The following SARM1 variants were observed in gnomAD, a reference collection of about 807,000 sequenced individuals.
The protein encoded by SARM1 is sterile alpha and TIR motif containing 1.
SARM1 carries 60 observed loss-of-function variants against 65.1 expected under a neutral mutation model. The ratio of observed to expected loss-of-function variants is 0.92; its 90% CI spans 0.75 to 1.14. The LOEUF is 1.14. Among genes scored for constraint, SARM1 ranks in the 50% most tolerant of loss-of-function variants. The probability of loss-of-function intolerance (pLI) is 0.00; values close to 1 mark genes in which losing one functional copy is unlikely to be tolerated. For missense variants in SARM1, 913 were observed against 1,015.7 expected (o/e 0.90, Z 1.37); for synonymous variants, 417 against 465.4 (o/e 0.90, Z 1.34).
At chr17:28,382,105 G>A (rs1555585383) in intron 2 of SARM1, among the ~76,000 whole-genome samples, 1 of 152,118 alleles carries the variant, frequency 6.6e-6, no homozygotes, top group African/African-American at 2.4e-5. Flanking sequence ...GCAAGGGTGA[G>A]GACGGAGGCA....
At chr17:28,386,097 C>T (rs1341908403) in intron 5 of SARM1, among the ~76,000 whole-genome samples, 2 of 152,120 alleles carry the variant, frequency 1.3e-5, no homozygotes, top group Admixed American at 6.6e-5. Flanking sequence ...AGTTTGAGAC[C>T]AACCTGGGCA....
intron 7 of SARM1, among the ~76,000 whole-genome samples, chr17:28,391,727 A>AAAG (rs1555586923): frequency 0.014 from 1,600 of 116,798 alleles, 68 homozygotes; most frequent in African/African-American, 0.045. Context: ...AAAAAAAAAA[A>AAAG]AGAGAGAGAG....
intron 5 of SARM1, among the ~76,000 whole-genome samples, chr17:28,387,084 G>A (rs957373301): frequency 3.9e-5 from 6 of 152,118 alleles, no homozygotes; most frequent in Admixed American, 1.3e-4. Context: ...GGCAAAAATA[G>A]CTTACAAAAA....
chr17:28,384,180 T>C lies in SARM1; in HGVS notation c.1090-177T>C, dbSNP rs1314585750. Among the ~76,000 whole-genome samples, 2 of 151,996 alleles carry C rather than the reference T, an allele frequency of 1.3e-5. No individual in the cohort carries two copies. Among genetic ancestry groups the C allele is most frequent in the Non-Finnish European group, 2.9e-5 (2 of 67,998 alleles). On this transcript the variant is annotated intron_variant, in intron 2 of 8. Coordinates refer to ENST00000585482, the MANE Select transcript of SARM1 (RefSeq NM_015077.4). This position sits in a 1 kb window ranked among gnomAD's most constrained non-coding sequence, Gnocchi z 4.4. Reference sequence around the variant, plus strand: ...TCCGAGTCAGGACCTGGTCAAGAATTGAGAGAACTTCAGGAGGGGGAATCC... The same window carrying C: ...TCCGAGTCAGGACCTGGTCAAGAATCGAGAGAACTTCAGGAGGGGGAATCC...
intron 1 of SARM1, among the ~76,000 whole-genome samples, chr17:28,379,389 C>G (rs1555584922): frequency 1.4e-5 from 2 of 138,584 alleles, no homozygotes; most frequent in African/African-American, 5.5e-5. Context: ...TGGCTCACTG[C>G]AAGCTCCGCC....
Position 28,399,942 on chromosome 17 carries a change from G to A in SARM1, c.*3656G>A. 1 of 525,590 alleles carries A rather than the reference G, an allele frequency of 1.9e-6. No homozygotes were observed. Among genetic ancestry groups the A allele is most frequent in the Non-Finnish European group, 3.4e-6 (1 of 291,066 alleles). 32.6% of individuals were successfully genotyped at this position (525,590 alleles called of 1,614,324 possible). On this transcript the variant is annotated 3_prime_UTR_variant, in exon 9 of 9. Coordinates refer to ENST00000585482, the MANE Select transcript of SARM1 (RefSeq NM_015077.4). ...AGGGTCTTGCTCTGTTGTCCAGGCT[G>A]GAGGGCAGTGACATAATCATAGCTC...
chr17:28,396,310 G>A lies in SARM1; in HGVS notation c.*24G>A, dbSNP rs1555587985. 1 of 1,612,808 alleles carries A rather than the reference G, an allele frequency of 6.2e-7. No homozygotes were observed. Among genetic ancestry groups the A allele is most frequent in the East Asian group, 2.2e-5 (1 of 44,842 alleles). ...AACCAGTCCCCAGTTCCCCAGCCCT[G>A]CTGTGACTTCCATTTCCATCGTCCT... On this transcript the variant is annotated 3_prime_UTR_variant, in exon 9 of 9. Coordinates refer to ENST00000585482, the MANE Select transcript of SARM1 (RefSeq NM_015077.4).
In SARM1 at chr17:28,384,065, C is replaced by A. The variant is rs374660809; in HGVS notation, c.1090-292C>A. Among the ~76,000 whole-genome samples, 1 of 152,116 alleles carries A rather than the reference C, an allele frequency of 6.6e-6. No homozygotes were observed. Among genetic ancestry groups the A allele is most frequent in the African/African-American group, 2.4e-5 (1 of 41,402 alleles). On this transcript the variant is annotated intron_variant, in intron 2 of 8. Coordinates refer to ENST00000585482, the MANE Select transcript of SARM1 (RefSeq NM_015077.4). This position sits in a 1 kb window ranked among gnomAD's most constrained non-coding sequence, Gnocchi z 4.4. Reference sequence around the variant, plus strand: ...GGCAGCTGCACTGTGCCCTGCCTGGCGCTATGCTGAGAGCTCAACTTTATT... The same window carrying A: ...GGCAGCTGCACTGTGCCCTGCCTGGAGCTATGCTGAGAGCTCAACTTTATT...
chr17:28,402,034 C>T lies in SARM1; in HGVS notation c.*5748C>T. The T allele has an allele frequency of 1.9e-6, 1 of 520,434 alleles. No homozygotes were observed. Among genetic ancestry groups the T allele is most frequent in the South Asian group, 2.8e-5 (1 of 35,590 alleles). The allele number at this position is 520,434 out of a possible 1,614,324, so 32.2% of individuals were successfully genotyped here. A position where few individuals can be genotyped will look rare whatever the true frequency, so the allele number is the denominator to read the frequency against. On this transcript the variant is annotated 3_prime_UTR_variant, in exon 9 of 9. Transcript: ENST00000585482. ...ATTGTGCTCTGCTGACTGCAAATCC[C>T]AACTCTGCGGTTTGAAAATCCAAGG...
At chr17:28,387,038 G>A (rs781844351) in intron 5 of SARM1, among the ~76,000 whole-genome samples, 23 of 152,098 alleles carry the variant, frequency 1.5e-4, no homozygotes, top group Non-Finnish European at 3.1e-4. Flanking sequence ...CGCACCCAGC[G>A]CAAGATTTCA....
rs367590729 is a variant in SARM1, at chr17:28,400,314, T to C, written c.*4028T>C. The stretch of plus-strand genomic sequence containing the variant: ...TCCCTTTAACACAGTTCTGCTGCCA[T>C]AGTTCCATCTATAAAATGGGAATGG... On this transcript the variant is annotated 3_prime_UTR_variant, in exon 9 of 9. Coordinates refer to ENST00000585482, the MANE Select transcript of SARM1 (RefSeq NM_015077.4). 3.8e-3 allele frequency: 1,552 copies of C among 407,104 alleles called. 25 individuals carry two copies. The highest frequency in any genetic ancestry group is 0.022 in the South Asian group (908 of 40,386). 25.2% of individuals were successfully genotyped at this position (407,104 alleles called of 1,614,324 possible).
Position 28,372,147 on chromosome 17 carries a change from ACGGGCCCATGGTGGGCTGCGGGTGGCCG to A in SARM1, c.123_150del (p.Trp42AlafsTer29). On this transcript the variant is annotated frameshift_variant, in exon 1 of 9. Transcript: ENST00000585482. LOFTEE classifies it high-confidence loss of function. The surrounding 1 kb of genome is among the most constrained non-coding windows in gnomAD (Gnocchi z 5.2). Reference sequence around the variant, plus strand: ...GCCTGGGCCAGATGGGGGCGGTGGCACGGGCCCATGGTGGGCTGCGGGTGGCCGCGGGCCCCGCGAAGTGTCGCCGGGG... The same window carrying A: ...GCCTGGGCCAGATGGGGGCGGTGGCACGGGCCCCGCGAAGTGTCGCCGGGG... 4 of 1,425,154 alleles carry A rather than the reference ACGGGCCCATGGTGGGCTGCGGGTGGCCG, an allele frequency of 2.8e-6. No homozygotes were observed. The highest frequency in any genetic ancestry group is 3.6e-6 in the Non-Finnish European group (4 of 1,098,492). The allele number at this position is 1,425,154 out of a possible 1,614,324, so 88.3% of individuals were successfully genotyped here.
Position 28,396,138 on chromosome 17 carries a change from T to C in SARM1, c.2046-19T>C. 6.2e-7 allele frequency: 1 copy of C among 1,613,936 alleles called. No individual in the cohort carries two copies. Among genetic ancestry groups the C allele is most frequent in the South Asian group, 1.1e-5 (1 of 91,082 alleles). On this transcript the variant is annotated intron_variant, in intron 8 of 8. Transcript: ENST00000585482. ...CCTCTGCCCAGCTGTCTGAACCACA[T>C]TGGCTCCTGTGCCCACAGGTGGTCC...
At position 28,403,312 on chromosome 17, in the gene SARM1, A is replaced by G. The variant is rs2068218875; in HGVS notation, c.*7026A>G. ...GTAACATCTATGAAGAGCATGGCAT[A>G]GGGACACAGCAAATGGGAGTTCCTT... On this transcript the variant is annotated 3_prime_UTR_variant, in exon 9 of 9. Coordinates refer to ENST00000585482, the MANE Select transcript of SARM1 (RefSeq NM_015077.4). 1 of 152,272 alleles carries G rather than the reference A, an allele frequency of 6.6e-6. No individual in the cohort carries two copies. The highest frequency in any genetic ancestry group is 2.1e-4 in the South Asian group (1 of 4,834). The allele number at this position is 152,272 out of a possible 1,614,324, so 9.4% of individuals were successfully genotyped here.
intron 8 of SARM1, 39 bp from the exon 9 acceptor site, chr17:28,396,118 G>C (rs782265635): frequency 6.2e-7 from 1 of 1,613,846 alleles, no homozygotes; most frequent in South Asian, 1.1e-5. Context: ...AGCTCCCTCT[G>C]CCCAGCTGTC....
rs1004386282 is a variant in SARM1, at chr17:28,371,746, G to T, written c.-287G>T. The T allele has an allele frequency of 2.3e-4, 75 of 320,752 alleles. No individual in the cohort carries two copies. Among genetic ancestry groups the T allele is most frequent in the Middle Eastern group, 8.2e-4 (1 of 1,218 alleles). The allele number at this position is 320,752 out of a possible 1,614,324, so 19.9% of individuals were successfully genotyped here. A position where few individuals can be genotyped will look rare whatever the true frequency, so the allele number is the denominator to read the frequency against. On this transcript the variant is annotated 5_prime_UTR_variant, in exon 1 of 9. Transcript: ENST00000585482. ...CAGGCCACGCTTTGTTCCAGCCGCC[G>T]CCTCCTCTACCCTACGGCGTCCGGA...
Position 28,400,858 on chromosome 17 carries a change from T to G in SARM1, c.*4572T>G, listed in dbSNP as rs1433562941. 2.6e-6 allele frequency: 3 copies of G among 1,160,234 alleles called. No individual in the cohort carries two copies. Among genetic ancestry groups the G allele is most frequent in the Non-Finnish European group, 3.8e-6 (3 of 797,360 alleles). The allele number at this position is 1,160,234 out of a possible 1,614,324, so 71.9% of individuals were successfully genotyped here. A position where few individuals can be genotyped will look rare whatever the true frequency, so the allele number is the denominator to read the frequency against. ...CTCACAGCTGTGTGACCGGGAGTAGTCACTTAACCTATGTCTCCCCTTCCT... is the reference window on the plus strand; with the variant it reads ...CTCACAGCTGTGTGACCGGGAGTAGGCACTTAACCTATGTCTCCCCTTCCT... On this transcript the variant is annotated 3_prime_UTR_variant, in exon 9 of 9. Transcript: ENST00000585482.
At chr17:28,388,300 G>T in intron 6 of SARM1, 24 bp downstream of exon 6, 1 of 1,584,856 alleles carries the variant, frequency 6.3e-7, no homozygotes, top group South Asian at 1.1e-5. Flanking sequence ...GGCGGGCAGC[G>T]ACGGGGCGTG....
chr17:28,387,240 T>TC (rs200520014), intron 5 of SARM1, among the ~76,000 whole-genome samples: 4 of 150,096 alleles, frequency 2.7e-5, no homozygotes, highest in East Asian at 2.0e-4. Flanking sequence ...TCTTTTCTTT[T>TC]TTTTTTTTTT....
Sources: allele counts gnomAD v4.1 joint callset (sites outside exome capture counted in the v4.1 genomes callset), GRCh38; gene constraint gnomAD v4.1.1; non-coding constraint Gnocchi (gnomAD v3.1); transcripts MANE v1.5; gene names NCBI Gene and HGNC (gene_info 2026-07-23, HGNC 2026-07-21).